The following CERS3 variants were observed in gnomAD, a reference collection of about 807,000 sequenced individuals.
CERS3 encodes the protein LAG1 homolog, ceramide synthase 3.
In CERS3, 33 loss-of-function variants were observed where a neutral mutation model predicts 50.3. The ratio of observed to expected loss-of-function variants is 0.66; its 90% confidence interval spans 0.50 to 0.88. The LOEUF (loss-of-function observed/expected upper bound fraction) is 0.88. CERS3 is among the 40% of genes least tolerant of loss of function. The pLI is 0.00. For synonymous variants in CERS3, 176 were observed against 155.2 expected (o/e 1.13, Z -0.99); for missense variants, 470 against 460.3 (o/e 1.02, Z -0.19).
At chr15:100,511,355 C>T (rs771770611) in intron 2 of CERS3, among the ~76,000 whole-genome samples, 22 of 152,108 alleles carry the variant, frequency 1.4e-4, no homozygotes, top group Non-Finnish European at 2.1e-4. Context: ...AAAATATCTG[C>T]AACACAAAGA....
intron 1 of CERS3, among the ~76,000 whole-genome samples, chr15:100,543,951 G>A (rs2037267961): frequency 6.6e-6 from 1 of 152,190 alleles, no homozygotes. Context: ...TCATGATACA[G>A]GGCTAATAAC....
chr15:100,499,806 A>G (rs185906880), intron 3 of CERS3, among the ~76,000 whole-genome samples: 308 of 152,328 alleles, frequency 2.0e-3, no homozygotes, highest in African/African-American at 7.0e-3. Context: ...CTCTTCTGCC[A>G]TCAGGAGTCT....
At position 100,507,834 on chromosome 15, in the gene CERS3, C is replaced by T. The variant is rs199617433; in HGVS notation, c.-1-5984G>A. Among the ~76,000 whole-genome samples the T allele has an allele frequency of 1.5e-3, 223 of 152,366 alleles. 1 individual carries two copies. Among genetic ancestry groups the T allele is most frequent in the African/African-American group, 5.2e-3 (216 of 41,594 alleles). ...AGCAGATGGCATCCTGCCGAGGCAG[C>T]GGCGGCCGTGACTGCTGCTGAGGAA... On this transcript the variant is annotated intron_variant, in intron 2 of 11. Transcript: ENST00000679737.
intron 11 of CERS3, among the ~76,000 whole-genome samples, chr15:100,415,773 C>T (rs1016199288): frequency 7.5e-5 from 11 of 146,162 alleles, no homozygotes; most frequent in African/African-American, 2.8e-4. Context: ...GTGAAAAACA[C>T]ACACCAGGGC....
intron 11 of CERS3, among the ~76,000 whole-genome samples, chr15:100,417,348 C>T (rs1242569866): frequency 6.6e-6 from 1 of 152,102 alleles, no homozygotes; most frequent in Non-Finnish European, 1.5e-5. Flanking sequence ...CGGGTCACTC[C>T]CACCCTAATA....
intron 11 of CERS3, among the ~76,000 whole-genome samples, chr15:100,453,547 C>T (rs1358941458): frequency 3.3e-5 from 5 of 152,156 alleles, no homozygotes; most frequent in Non-Finnish European, 5.9e-5. Context: ...TAACATCATA[C>T]TAAATGGTGA....
At chr15:100,469,037 T>C (rs2034876871) in intron 10 of CERS3, among the ~76,000 whole-genome samples, 1 of 152,194 alleles carries the variant, frequency 6.6e-6, no homozygotes, top group Non-Finnish European at 1.5e-5. Context: ...ACCTCTCTTT[T>C]AGAGAACTGG....
At chr15:100,507,926 C>G (rs2036230992) in intron 2 of CERS3, among the ~76,000 whole-genome samples, 1 of 152,248 alleles carries the variant, frequency 6.6e-6, no homozygotes, top group Admixed American at 6.5e-5. Flanking sequence ...TCATCCAAGT[C>G]TAGTCCATCA....
intron 9 of CERS3, 27 bp downstream of exon 9, chr15:100,472,897 A>G: frequency 1.9e-6 from 3 of 1,613,610 alleles, no homozygotes; most frequent in African/African-American, 1.3e-5. Flanking sequence ...TGGTATTGTC[A>G]TTAGTTTTTT....
chr15:100,440,743 A>G (rs1235678850), intron 11 of CERS3, among the ~76,000 whole-genome samples: 2 of 152,218 alleles, frequency 1.3e-5, no homozygotes, highest in South Asian at 2.1e-4. Flanking sequence ...ACATCTCACC[A>G]ATTTCAAATC....
chr15:100,522,628 G>GT (rs1191301417), intron 1 of CERS3, among the ~76,000 whole-genome samples: 1 of 152,194 alleles, frequency 6.6e-6, no homozygotes, highest in African/African-American at 2.4e-5. Flanking sequence ...GTTGTTGCAT[G>GT]TAACAGTAGC....
At chr15:100,480,656 T>C (rs777390000) in intron 5 of CERS3, among the ~76,000 whole-genome samples, 1 of 152,196 alleles carries the variant, frequency 6.6e-6, no homozygotes, top group African/African-American at 2.4e-5. Flanking sequence ...AAGAAAATTA[T>C]GAGACAATCA....
chr15:100,532,725 C>G (rs1230381319), upstream of CERS3, among the ~76,000 whole-genome samples: 3 of 152,164 alleles, frequency 2.0e-5, no homozygotes, highest in Admixed American at 2.0e-4. Flanking sequence ...GCCCAATACA[C>G]TCCAGACTGG....
At chr15:100,509,980 A>G (rs571493638) in intron 2 of CERS3, among the ~76,000 whole-genome samples, 174 of 151,416 alleles carry the variant, frequency 1.1e-3, no homozygotes, top group Non-Finnish European at 2.1e-3. Flanking sequence ...GTTTATCTAC[A>G]TTAGTCTGTT....
chr15:100,438,494 G>T (rs931422011), intron 11 of CERS3, among the ~76,000 whole-genome samples: 3 of 151,980 alleles, frequency 2.0e-5, no homozygotes, highest in African/African-American at 7.3e-5. Flanking sequence ...GGTTTTTCTA[G>T]TTATTAATTT....
chr15:100,483,798 T>TTTTTTTTTA (rs2035399722), intron 5 of CERS3, among the ~76,000 whole-genome samples: 1 of 139,080 alleles, frequency 7.2e-6, no homozygotes. Context: ...TTTTTTTTTT[T>TTTTTTTTTA]GAGACAGAGT....
At chr15:100,470,994 A>G (rs11629625) in intron 9 of CERS3, among the ~76,000 whole-genome samples, 74,019 of 152,028 alleles carry the variant, frequency 0.49, 18,700 homozygotes, top group Non-Finnish European at 0.56. Flanking sequence ...ACCCTAAAAC[A>G]CACTATTCAA....
chr15:100,509,435 GA>G lies in CERS3; in HGVS notation c.-1-7586del, dbSNP rs145664173. On this transcript the variant is annotated intron_variant, in intron 2 of 11. Transcript: ENST00000679737. ...TACCAGTTTAGAAGATATTGCTACA[GA>G]ACATATCTCTCAGATAGAGGAGAGC... Among the ~76,000 whole-genome samples the G allele has an allele frequency of 9.5e-4, 144 of 152,278 alleles. 4 individuals are homozygous for G. In the East Asian group the frequency reaches 0.028, roughly 29 times the overall value.
chr15:100,413,054 A>T (rs1163557340), intron 11 of CERS3, among the ~76,000 whole-genome samples: 1 of 152,192 alleles, frequency 6.6e-6, no homozygotes, highest in African/African-American at 2.4e-5. Context: ...AAAATAAATT[A>T]AAAATGTGCC....
Sources: gnomAD v4.1 joint callset for allele counts (sites outside exome capture counted in the v4.1 genomes callset) on GRCh38, gnomAD v4.1.1 for gene constraint, MANE v1.5 for transcripts, NCBI Gene and HGNC (gene_info 2026-07-23, HGNC 2026-07-21) for gene names.